The following TUBA3C variants were observed in gnomAD, a reference collection of about 807,000 sequenced individuals.
The protein encoded by TUBA3C is tubulin alpha 3c, also known as tubulin alpha-3C chain.
Under a neutral mutation model 33.4 loss-of-function variants are expected in TUBA3C, and 23 were observed. That is an observed-to-expected ratio of 0.69 (90% CI 0.50 to 0.98). TUBA3C has a LOEUF of 0.98. Ranked by LOEUF, TUBA3C falls within the 50% of genes least tolerant of loss-of-function variation. The pLI, the probability that TUBA3C is intolerant of heterozygous loss-of-function variation, is 0.00. For synonymous variants in TUBA3C, 269 were observed against 250.4 expected, an observed-to-expected ratio of 1.07 and a Z score of -0.70; for missense variants, 402 against 616.0, an observed-to-expected ratio of 0.65 and a Z score of 3.68.
At position 19,179,811 on chromosome 13, in the gene TUBA3C, T is replaced by G. The variant is rs546336061; in HGVS notation, c.4-248A>C. ...CTAATGTTTGCCACTACACAAAAAT[T>G]AGATTATTTTAAAACTTGGAAGCCA... On this transcript the variant is annotated intron_variant, in intron 1 of 4. Transcript: ENST00000400113. Among the ~76,000 whole-genome samples, 250 of 152,250 alleles carry G rather than the reference T, an allele frequency of 1.6e-3. 1 individual carries two copies. The highest frequency in any genetic ancestry group is 5.9e-3 in the African/African-American group (244 of 41,530).
Position 19,177,720 on chromosome 13 carries a change from C to G in TUBA3C, c.376-113G>C. ...AGACTTGATATGGATTCCAATCATC[C>G]ATAATAAACACGCAGTACACTCTGA... On this transcript the variant is annotated intron_variant, in intron 3 of 4. Coordinates refer to ENST00000400113, the MANE Select transcript of TUBA3C (RefSeq NM_006001.3). The surrounding 1 kb of genome is among the most constrained non-coding windows in gnomAD (Gnocchi z 5.0). The G allele has an allele frequency of 7.5e-7, 1 of 1,329,408 alleles. No homozygotes were observed. The highest frequency in any genetic ancestry group is 1.0e-6 in the Non-Finnish European group (1 of 983,536). 82.4% of individuals were successfully genotyped at this position (1,329,408 alleles called of 1,614,324 possible). A position where few individuals can be genotyped will look rare whatever the true frequency, so the allele number is the denominator to read the frequency against.
chr13:19,181,685 G>A, intron 1 of TUBA3C, 60 bp downstream of exon 1: 1 of 1,600,136 alleles, frequency 6.2e-7, no homozygotes, highest in Non-Finnish European at 8.5e-7. Flanking sequence ...CACCTCAGGA[G>A]GCCAACTTCG....
At chr13:19,176,846 T>C in intron 4 of TUBA3C, 81 bp downstream of exon 4, 1 of 1,503,838 alleles carries the variant, frequency 6.6e-7, no homozygotes. Flanking sequence ...CCTCAAAGGA[T>C]GTGGGCCTTC....
intron 4 of TUBA3C, among the ~76,000 whole-genome samples, chr13:19,176,613 G>C (rs1393252539): frequency 1.3e-5 from 2 of 151,016 alleles, no homozygotes; most frequent in Non-Finnish European, 1.5e-5. Flanking sequence ...AATTAACTGG[G>C]TGTGGTGGTG....
At position 19,176,942 on chromosome 13, in the gene TUBA3C, G is replaced by A. The variant is rs148928584; in HGVS notation, c.1041C>T (p.Cys347=). 21 of 1,613,494 alleles carry A rather than the reference G, an allele frequency of 1.3e-5. No homozygotes were observed. The highest frequency in any genetic ancestry group is 2.7e-5 in the African/African-American group (2 of 74,826). Residue 347 remains cysteine, a synonymous_variant, in exon 4 of 5, where the codon TGC becomes TGT. Coordinates refer to ENST00000400113, the MANE Select transcript of TUBA3C (RefSeq NM_006001.3). ...TKRTIQFVDW[C]PTGFKVGINY... is the part of the protein sequence containing the mutation. ...CCAGTCATACCTTAAATCCAGTTGG[G>A]CACCAATCTACAAACTGGATGGTGC...
rs370173669 is a variant in TUBA3C, at chr13:19,177,321, C to T, written c.662G>A (p.Arg221His). 25 of 1,613,964 alleles carry T rather than the reference C, an allele frequency of 1.5e-5. No individual in the cohort carries two copies. Among genetic ancestry groups the T allele is most frequent in the African/African-American group, 4.0e-5 (3 of 74,882 alleles). ...GCGATTGAGGTTGGTGTACGTGGGA[C>T]GCTCGATGTCCAGGTTGCGCCGACA... Reference protein sequence around the residue: ...DICRRNLDIERPTYTNLNRLI... With the variant: ...DICRRNLDIEHPTYTNLNRLI... Residue 221 changes from arginine (R) to histidine (H), a missense_variant, in exon 4 of 5, where the codon CGT becomes CAT. Arg to His is a conservative substitution (Grantham distance 29). Transcript: ENST00000400113. The surrounding 1 kb of genome is among the most constrained non-coding windows in gnomAD (Gnocchi z 5.0).
At chr13:19,181,258 C>T (rs36214442) in intron 1 of TUBA3C, among the ~76,000 whole-genome samples, 1 of 152,086 alleles carries the variant, frequency 6.6e-6, no homozygotes, top group South Asian at 2.1e-4. Flanking sequence ...GCCATATTGG[C>T]CAGGCTAGTG....
rs2297225 is a variant in TUBA3C, at chr13:19,176,987, G to A, written c.996C>T (p.Ile332=). Residue 332 remains isoleucine, a synonymous_variant, in exon 4 of 5, where the codon ATC becomes ATT. Coordinates refer to ENST00000400113, the MANE Select transcript of TUBA3C (RefSeq NM_006001.3). ...DVVPKDVNAA[I]ATIKTKRTIQ... ...TGGTGCGCTTGGTCTTGATGGTGGC[G>A]ATGGCCGCGTTGACATCTTTCGGGA... 1.9e-3 allele frequency: 3,072 copies of A among 1,614,044 alleles called. 10 individuals carry two copies. The highest frequency in any genetic ancestry group is 0.018 in the East Asian group (789 of 44,860).
Position 19,177,744 on chromosome 13 carries a change from G to GA in TUBA3C, c.376-138dup. The GA allele has an allele frequency of 1.7e-6, 2 of 1,172,348 alleles. No individual in the cohort carries two copies. The highest frequency in any genetic ancestry group is 2.3e-6 in the Non-Finnish European group (2 of 854,224). 72.6% of individuals were successfully genotyped at this position (1,172,348 alleles called of 1,614,324 possible). A position where few individuals can be genotyped will look rare whatever the true frequency, so the allele number is the denominator to read the frequency against. On this transcript the variant is annotated intron_variant, in intron 3 of 4. Coordinates refer to ENST00000400113, the MANE Select transcript of TUBA3C (RefSeq NM_006001.3). The surrounding 1 kb of genome is among the most constrained non-coding windows in gnomAD (Gnocchi z 5.0). ...CCATAATAAACACGCAGTACACTCT[G>GA]AAGCAAAGAAAAGCAGACAAAGATC...
chr13:19,177,465 G>A lies in TUBA3C; in HGVS notation c.518C>T (p.Pro173Leu). 1.2e-6 allele frequency: 2 copies of A among 1,614,116 alleles called. No individual in the cohort carries two copies. The highest frequency in any genetic ancestry group is 1.7e-6 in the Non-Finnish European group (2 of 1,180,026). Residue 173 changes from proline to leucine, a missense_variant, in exon 4 of 5, where the codon CCA becomes CTA. Coordinates refer to ENST00000400113, the MANE Select transcript of TUBA3C (RefSeq NM_006001.3). The surrounding 1 kb of genome is among the most constrained non-coding windows in gnomAD (Gnocchi z 5.0). ...CACGGCCGTGGAGACCTGGGGGGCT[G>A]GGTAAATGGCAAATTCTAGCTTGGA... Reference protein sequence around the residue: ...KKSKLEFAIYPAPQVSTAVVE... With the variant: ...KKSKLEFAIYLAPQVSTAVVE...
rs1277019289 is a variant in TUBA3C, at chr13:19,181,812, C to T, written c.-65G>A. ...GACCTCAACCGCCGCTGCAGCTGCGCACGCCCAACGACAGCCTCCCGCCGT... is the reference window on the plus strand; with the variant it reads ...GACCTCAACCGCCGCTGCAGCTGCGTACGCCCAACGACAGCCTCCCGCCGT... On this transcript the variant is annotated 5_prime_UTR_variant, in exon 1 of 5. Transcript: ENST00000400113. The T allele has an allele frequency of 5.0e-6, 8 of 1,590,332 alleles. No individual in the cohort carries two copies. The highest frequency in any genetic ancestry group is 6.0e-6 in the Non-Finnish European group (7 of 1,173,028).
At chr13:19,178,551 T>G (rs963968835) in intron 2 of TUBA3C, among the ~76,000 whole-genome samples, 157 bp from the exon 3 acceptor site, 30 of 152,310 alleles carry the variant, frequency 2.0e-4, no homozygotes, top group African/African-American at 7.2e-4. Flanking sequence ...AGAAAATGTC[T>G]CTGTGTGATA....
chr13:19,177,806 C>A lies in TUBA3C; in HGVS notation c.376-199G>T, dbSNP rs1449630014. Among the ~76,000 whole-genome samples, 1 of 151,370 alleles carries A rather than the reference C, an allele frequency of 6.6e-6. No homozygotes were observed. The highest frequency in any genetic ancestry group is 1.5e-5 in the Non-Finnish European group (1 of 67,916). ...CACCATGCATACTTCAGACTAAGACCATTGCAGACGCAATAGGACTCAAGA... is the reference window on the plus strand; with the variant it reads ...CACCATGCATACTTCAGACTAAGACAATTGCAGACGCAATAGGACTCAAGA... On this transcript the variant is annotated intron_variant, in intron 3 of 4. Transcript: ENST00000400113. The surrounding 1 kb of genome is among the most constrained non-coding windows in gnomAD (Gnocchi z 5.0).
chr13:19,178,507 TA>T, intron 2 of TUBA3C, 113 bp from the exon 3 acceptor site: 2 of 1,422,558 alleles, frequency 1.4e-6, no homozygotes, highest in Non-Finnish European at 1.9e-6. Flanking sequence ...GTACATGACC[TA>T]CATGTTGTAG....
Position 19,177,342 on chromosome 13 carries a change from C to T in TUBA3C, c.641G>A (p.Arg214Gln), listed in dbSNP as rs373201894. The T allele has an allele frequency of 3.8e-5, 61 of 1,613,922 alleles. No individual in the cohort carries two copies. Among genetic ancestry groups the T allele is most frequent in the South Asian group, 1.1e-4 (10 of 91,078 alleles). ...GGGACGCTCGATGTCCAGGTTGCGCCGACATATGTCATAGATGGCTTCATT... is the reference window on the plus strand; with the variant it reads ...GGGACGCTCGATGTCCAGGTTGCGCTGACATATGTCATAGATGGCTTCATT... ...VDNEAIYDIC[R>Q]RNLDIERPTY... The change falls in exon 4 of 5, where the codon CGG (arginine) becomes CAG (glutamine). Residue 214 changes from arginine (R) to glutamine (Q), a missense_variant. Transcript: ENST00000400113. This position sits in a 1 kb window ranked among gnomAD's most constrained non-coding sequence, Gnocchi z 5.0.
At position 19,177,266 on chromosome 13, in the gene TUBA3C, C is replaced by T. The variant is rs397839852; in HGVS notation, c.717G>A (p.Thr239=). ...RLIGQIVSSI[T]ASLRFDGALN... ...GGGCCCCGTCAAATCGCAGGGAGGC[C>T]GTGATGGAGGACACGATCTGCCCAA... Residue 239 remains threonine (T), a synonymous_variant, in exon 4 of 5, where the codon ACG becomes ACA. Transcript: ENST00000400113. This position sits in a 1 kb window ranked among gnomAD's most constrained non-coding sequence, Gnocchi z 5.0. 12 of 1,614,034 alleles carry T rather than the reference C, an allele frequency of 7.4e-6. No individual in the cohort carries two copies. The South Asian group carries it at 8.8e-5, about 12-fold the overall frequency.
At position 19,174,003 on chromosome 13, in the gene TUBA3C, CA is replaced by C. The variant is rs757625752; in HGVS notation, c.1212del (p.Phe404LeufsTer76). The C allele has an allele frequency of 1.9e-6, 3 of 1,612,600 alleles. No homozygotes were observed. In the Admixed American group the frequency reaches 5.0e-5, roughly 27 times the overall value. On this transcript the variant is annotated frameshift_variant, in exon 5 of 5. Coordinates refer to ENST00000400113, the MANE Select transcript of TUBA3C (RefSeq NM_006001.3). LOFTEE classifies it high-confidence loss of function. The part of the protein sequence containing the change: ...KFDLMYAKRA[F>X]VHWYVGEGME... ...ATGCCTTCTCCCACGTACCAGTGCACAAAGGCCCGCTTGGCATACATGAGAT... is the reference window on the plus strand; with the variant it reads ...ATGCCTTCTCCCACGTACCAGTGCACAAGGCCCGCTTGGCATACATGAGAT...
At position 19,178,310 on chromosome 13, in the gene TUBA3C, G is replaced by A. The variant is rs766373810; in HGVS notation, c.311C>T (p.Ala104Val). 1.4e-5 allele frequency: 23 copies of A among 1,614,164 alleles called. No individual in the cohort carries two copies. In the South Asian group the frequency reaches 2.5e-4, roughly 18 times the overall value. Reference sequence around the variant, plus strand: ...CTTGCCGATGGTGTAATGGCCTCTGGCGTAATTATTGGCCGCATCTTCCTT... The same window carrying A: ...CTTGCCGATGGTGTAATGGCCTCTGACGTAATTATTGGCCGCATCTTCCTT... ...TGKEDAANNYARGHYTIGKEI... is the reference protein window; with the variant it reads ...TGKEDAANNYVRGHYTIGKEI... The change falls in exon 3 of 5, where the codon GCC becomes GTC. Residue 104 changes from alanine to valine, a missense_variant. Physicochemically the swap from Ala to Val is moderately conservative, Grantham distance 64 (BLOSUM62 0). Transcript: ENST00000400113.
chr13:19,180,853 G>A (rs1248668514), intron 1 of TUBA3C, among the ~76,000 whole-genome samples: 1 of 151,534 alleles, frequency 6.6e-6, no homozygotes, highest in Admixed American at 6.6e-5. Context: ...AGCTACTCAG[G>A]AGGCTGAGGC....
Sources: gnomAD v4.1 joint callset for allele counts (sites outside exome capture counted in the v4.1 genomes callset) on GRCh38, gnomAD v4.1.1 for gene constraint, Gnocchi (gnomAD v3.1) non-coding constraint, MANE v1.5 for transcripts, NCBI Gene and HGNC (gene_info 2026-07-23, HGNC 2026-07-21) for gene names.